Variants in LSP1 observed in about 807,000 individuals in gnomAD.
LSP1 encodes the protein lymphocyte-specific protein 1.
In LSP1, 32 loss-of-function variants were observed where a neutral mutation model predicts 49.3. The observed-to-expected ratio is 0.65, with a 90% CI of 0.49 to 0.87. LSP1 has a LOEUF of 0.87. Ranked by LOEUF, LSP1 falls within the 40% of genes least tolerant of loss-of-function variation. The pLI, the probability that LSP1 is intolerant of heterozygous loss-of-function variation, is 0.00. For synonymous variants in LSP1, 179 were observed against 178.8 expected (o/e 1.00, Z -0.01); for missense variants, 428 against 442.6 (o/e 0.97, Z 0.30).
chr11:1,870,679 A>G (rs1177245342), intron 1 of LSP1: 8 of 1,059,752 alleles, frequency 7.5e-6, no homozygotes, highest in Non-Finnish European at 9.2e-6. Context: ...CCACGTCTGA[A>G]TAATGTATGA....
At chr11:1,879,929 G>A (rs1848466453) in intron 1 of LSP1, 158 bp from the exon 2 acceptor site, 1 of 778,682 alleles carries the variant, frequency 1.3e-6, no homozygotes, top group Non-Finnish European at 2.0e-6. Flanking sequence ...ATTTAAAGAT[G>A]GACAAGGTGA....
chr11:1,871,898 T>G (rs527890280), intron 1 of LSP1, among the ~76,000 whole-genome samples: 242 of 144,070 alleles, frequency 1.7e-3, no homozygotes, highest in African/African-American at 6.0e-3. Context: ...TTGGGGTCTG[T>G]CTGGCTGGCG....
intron 1 of LSP1, among the ~76,000 whole-genome samples, chr11:1,868,350 T>C (rs1479927116): frequency 6.6e-6 from 1 of 152,218 alleles, no homozygotes; most frequent in Admixed American, 6.5e-5. Flanking sequence ...CCATGGCTCT[T>C]TGGGCGGTGT....
At chr11:1,867,674 G>T (rs1847839274) in intron 1 of LSP1, among the ~76,000 whole-genome samples, 1 of 152,154 alleles carries the variant, frequency 6.6e-6, no homozygotes, top group Non-Finnish European at 1.5e-5. Context: ...GGCTGGGAGA[G>T]GCATTGCAGG....
In LSP1 at chr11:1,873,915, G is replaced by A. The variant is rs554318078; in HGVS notation, c.54-6172G>A. Among the ~76,000 whole-genome samples, 48 of 134,366 alleles carry A rather than the reference G, an allele frequency of 3.6e-4. 1 individual carries two copies. The highest frequency in any genetic ancestry group is 1.5e-3 in the African/African-American group (48 of 32,654). The allele number at this position is 134,366 out of a possible 152,430, so 88.1% of individuals were successfully genotyped here. ...GGGAGCCCGGCAGAGGAGGGAGGCC[G>A]GCGGAGGAGGGAGGCCGGCAGAGGA... On this transcript the variant is annotated intron_variant, in intron 1 of 10. Coordinates refer to ENST00000311604, the MANE Select transcript of LSP1 (RefSeq NM_002339.3).
chr11:1,881,990 G>A (rs1178862887), intron 3 of LSP1, among the ~76,000 whole-genome samples: 1 of 152,184 alleles, frequency 6.6e-6, no homozygotes, highest in East Asian at 1.9e-4. Context: ...CTTCCGTAAT[G>A]GAGGCTGAGA....
At chr11:1,870,944 G>T (rs994103104) in intron 1 of LSP1, 1 of 985,798 alleles carries the variant, frequency 1.0e-6, no homozygotes, top group African/African-American at 1.7e-5. Flanking sequence ...GAGCAAAGGC[G>T]GGAGGCGCAG....
chr11:1,884,234 T>A lies in LSP1; in HGVS notation c.592-46T>A. Reference sequence around the variant, plus strand: ...GTAGCTGGGGAGATGGAGGGTGGGCTTTACCTCGGCTGCTGCAGGCCTGTG... The same window carrying A: ...GTAGCTGGGGAGATGGAGGGTGGGCATTACCTCGGCTGCTGCAGGCCTGTG... On this transcript the variant is annotated intron_variant, in intron 5 of 10. Coordinates refer to ENST00000311604, the MANE Select transcript of LSP1 (RefSeq NM_002339.3). This position sits in a 1 kb window ranked among gnomAD's most constrained non-coding sequence, Gnocchi z 4.1. 6.2e-7 allele frequency: 1 copy of A among 1,611,374 alleles called. No homozygotes were observed.
intron 1 of LSP1, among the ~76,000 whole-genome samples, chr11:1,873,568 G>A (rs1478126442): frequency 6.6e-6 from 1 of 151,294 alleles, no homozygotes; most frequent in African/African-American, 2.4e-5. Context: ...GAGGAGGGAA[G>A]AAGGAAGAGG....
At chr11:1,863,840 A>C (rs1016132113) in intron 1 of LSP1, among the ~76,000 whole-genome samples, 1 of 152,148 alleles carries the variant, frequency 6.6e-6, no homozygotes, top group Middle Eastern at 3.4e-3. Flanking sequence ...CTGTGCCAAT[A>C]CCAAACCGAA....
chr11:1,860,060 A>C (rs769459808), intron 1 of LSP1, among the ~76,000 whole-genome samples: 1 of 152,206 alleles, frequency 6.6e-6, no homozygotes, highest in Non-Finnish European at 1.5e-5. Context: ...GCCCCTGCTT[A>C]GGCTCTATTG....
chr11:1,873,124 G>A (rs1848114203), intron 1 of LSP1, among the ~76,000 whole-genome samples: 1 of 151,842 alleles, frequency 6.6e-6, no homozygotes, highest in Non-Finnish European at 1.5e-5. Flanking sequence ...ACAAGCCTCA[G>A]GTCATCAAGA....
intron 1 of LSP1, among the ~76,000 whole-genome samples, chr11:1,864,634 G>A (rs142043661): frequency 6.6e-5 from 10 of 152,148 alleles, no homozygotes; most frequent in Non-Finnish European, 1.0e-4. Context: ...AGATGGAGGC[G>A]GGAGGAGAAG....
chr11:1,883,996 G>T lies in LSP1; in HGVS notation c.563G>T (p.Ser188Ile). The change falls in exon 5 of 11, where the codon AGC (serine) becomes ATC (isoleucine). Residue 188 changes from serine to isoleucine, a missense_variant. Coordinates refer to ENST00000311604, the MANE Select transcript of LSP1 (RefSeq NM_002339.3). The part of the protein sequence containing the change: ...PLVLEGTIEQ[S>I]SPPLSPTTKL... ...GTCTTGGAGGGGACCATCGAACAGA[G>T]CTCGCCTCCCCTGAGCCCTACCACC... is the stretch of plus-strand genomic sequence containing the variant. 8.7e-6 allele frequency: 14 copies of T among 1,612,944 alleles called. No homozygotes were observed. The highest frequency in any genetic ancestry group is 1.2e-5 in the Non-Finnish European group (14 of 1,179,698).
intron 1 of LSP1, among the ~76,000 whole-genome samples, chr11:1,861,937 G>C (rs1484148352): frequency 1.3e-5 from 2 of 149,954 alleles, no homozygotes; most frequent in African/African-American, 4.9e-5. Context: ...ATGGATTGAT[G>C]AGTGGATGGA....
chr11:1,867,344 A>ACCACAC (rs1847827169), intron 1 of LSP1, among the ~76,000 whole-genome samples: 1 of 62,038 alleles, frequency 1.6e-5, no homozygotes, highest in Non-Finnish European at 3.6e-5. Flanking sequence ...CCACCCACCC[A>ACCACAC]CCACACCCAC....
In LSP1 at chr11:1,887,475, G is replaced by T; in HGVS notation, c.932G>T (p.Ser311Ile). ...ACTCTTGGTCTCCTTTCCCAACAGA[G>T]CACCCCATCTGGGAAGAGGTATAAG... ...GGSKTSSTIK[S>I]TPSGKRYKFV... is the part of the protein sequence containing the mutation. The change falls in exon 10 of 11, where the codon AGC becomes ATC. Residue 311 changes from serine (S) to isoleucine (I), a missense_variant and splice_region_variant. Transcript: ENST00000311604. The T allele has an allele frequency of 6.2e-7, 1 of 1,613,772 alleles. No individual in the cohort carries two copies.
intron 1 of LSP1, among the ~76,000 whole-genome samples, chr11:1,872,659 G>A (rs1047198196): frequency 4.0e-5 from 6 of 148,822 alleles, no homozygotes; most frequent in Non-Finnish European, 6.0e-5. Context: ...TCTGGCTGGC[G>A]TGGGCACCTT....
At chr11:1,866,764 A>G (rs952911063) in intron 1 of LSP1, 2 of 1,550,462 alleles carry the variant, frequency 1.3e-6, no homozygotes, top group Non-Finnish European at 1.7e-6. Context: ...CACCAGTGCT[A>G]CTTAACAAAT....
Sources: gnomAD v4.1 joint callset for allele counts (sites outside exome capture counted in the v4.1 genomes callset) on GRCh38, gnomAD v4.1.1 for gene constraint, Gnocchi (gnomAD v3.1) non-coding constraint, MANE v1.5 for transcripts, NCBI Gene and HGNC (gene_info 2026-07-23, HGNC 2026-07-21) for gene names.